Variants in KCNQ2 observed in about 807,000 individuals in gnomAD.
The protein encoded by KCNQ2 is potassium voltage-gated channel subfamily KQT member 2.
Under a neutral mutation model 84.8 loss-of-function variants are expected in KCNQ2, and 14 were observed. The observed-to-expected ratio is 0.17, with a 90% CI of 0.11 to 0.26. The LOEUF is 0.26. Ranked by LOEUF, KCNQ2 falls within the 10% of genes least tolerant of loss-of-function variation. KCNQ2 has a pLI of 1.00. For missense variants in KCNQ2, 788 were observed against 1,254.0 expected (o/e 0.63, Z 5.61); for synonymous variants, 599 against 554.1 (o/e 1.08, Z -1.14).
intron 12 of KCNQ2, among the ~76,000 whole-genome samples, chr20:63,417,867 G>A (rs2080343691): frequency 6.6e-6 from 1 of 152,178 alleles, no homozygotes; most frequent in South Asian, 2.1e-4. Flanking sequence ...CACAGCCCCA[G>A]GGGCCGCCGG....
At chr20:63,462,325 C>T (rs11907993) in intron 1 of KCNQ2, among the ~76,000 whole-genome samples, 1 of 121,244 alleles carries the variant, frequency 8.2e-6, no homozygotes, top group African/African-American at 3.7e-5. Context: ...CTACCCCAGG[C>T]AGCAGGGAGG....
chr20:63,454,820 T>C (rs1236163418), intron 1 of KCNQ2, among the ~76,000 whole-genome samples: 1 of 152,200 alleles, frequency 6.6e-6, no homozygotes, highest in Non-Finnish European at 1.5e-5. Context: ...TCCCTGCCCA[T>C]GTGGCCTCAG....
chr20:63,470,263 G>A (rs896920527), intron 1 of KCNQ2, among the ~76,000 whole-genome samples: 1 of 148,438 alleles, frequency 6.7e-6, no homozygotes, highest in Non-Finnish European at 1.5e-5. Flanking sequence ...GGAGCTCCGT[G>A]CCCACAGCAA....
In KCNQ2 at chr20:63,415,106, T is replaced by C. The variant is rs375822612; in HGVS notation, c.1322A>G (p.Asp441Gly). The C allele has an allele frequency of 1.2e-6, 2 of 1,600,834 alleles. No individual in the cohort carries two copies. Among genetic ancestry groups the C allele is most frequent in the Middle Eastern group, 3.3e-4 (2 of 6,080 alleles). The change falls in exon 13 of 17, where the codon GAT becomes GGT. Residue 441 changes from aspartate to glycine, a missense_variant. Asp to Gly is a moderately conservative substitution (Grantham distance 94). This residue lies in a region of KCNQ2 where 202 missense variants were observed against 239.4 expected (regional missense o/e 0.84). Coordinates refer to ENST00000359125, the MANE Select transcript of KCNQ2 (RefSeq NM_172107.4). ...GCCTCGGGGGCTGGAGAAGACACGA[T>C]CTTTCAAACTGACCTTCTGGCTGCT... is the stretch of plus-strand genomic sequence containing the variant. ...GRSSQKVSLK[D>G]RVFSSPRGVA...
intron 1 of KCNQ2, among the ~76,000 whole-genome samples, chr20:63,457,799 C>T (rs1378632822): frequency 6.6e-6 from 1 of 152,242 alleles, no homozygotes; most frequent in African/African-American, 2.4e-5. Context: ...AGGGGGCATC[C>T]GCCATGCACC....
intron 1 of KCNQ2, among the ~76,000 whole-genome samples, chr20:63,455,868 G>A (rs1170590294): frequency 8.8e-6 from 1 of 113,940 alleles, no homozygotes; most frequent in African/African-American, 3.8e-5. Context: ...CTGCTCACGG[G>A]CCCCCCACCT....
intron 7 of KCNQ2, chr20:63,437,333 G>C (rs769436438): frequency 1.3e-5 from 2 of 152,254 alleles, no homozygotes; most frequent in Non-Finnish European, 2.9e-5. Context: ...CCACACGTAC[G>C]TGGTCACTTT....
Position 63,404,859 on chromosome 20 carries a change from T to C in KCNQ2, c.*1785A>G, listed in dbSNP as rs1206022125. ...CCGAGGCCTCCCAGTTGGCACCTTT[T>C]TGGGACAGGCTCCAGCACAGGGAGG... On this transcript the variant is annotated 3_prime_UTR_variant, in exon 17 of 17. Transcript: ENST00000359125. The C allele has an allele frequency of 6.6e-6, 1 of 152,242 alleles. No individual in the cohort carries two copies. Among genetic ancestry groups the C allele is most frequent in the Non-Finnish European group, 1.5e-5 (1 of 68,070 alleles). 9.4% of individuals were successfully genotyped at this position (152,242 alleles called of 1,614,324 possible). A position where few individuals can be genotyped will look rare whatever the true frequency, so the allele number is the denominator to read the frequency against.
At chr20:63,443,216 C>CATG in intron 4 of KCNQ2, among the ~76,000 whole-genome samples, 1 of 107,674 alleles carries the variant, frequency 9.3e-6, no homozygotes, top group Non-Finnish European at 2.0e-5. Flanking sequence ...CCACCACCAC[C>CATG]ATGATCACCA....
In KCNQ2 at chr20:63,460,472, C is replaced by T. The variant is rs1035683615; in HGVS notation, c.296+11696G>A. On this transcript the variant is annotated intron_variant, in intron 1 of 16. Coordinates refer to ENST00000359125, the MANE Select transcript of KCNQ2 (RefSeq NM_172107.4). The surrounding 1 kb of genome is among the most constrained non-coding windows in gnomAD (Gnocchi z 5.4). Reference sequence around the variant, plus strand: ...TCCCCCCCACAGCCCCCTGAGACAGCCACGCCTAACCCCCTCCCAAGCAGG... The same window carrying T: ...TCCCCCCCACAGCCCCCTGAGACAGTCACGCCTAACCCCCTCCCAAGCAGG... Among the ~76,000 whole-genome samples, 1 of 151,502 alleles carries T rather than the reference C, an allele frequency of 6.6e-6. No homozygotes were observed. Among genetic ancestry groups the T allele is most frequent in the African/African-American group, 2.4e-5 (1 of 41,136 alleles).
intron 1 of KCNQ2, among the ~76,000 whole-genome samples, chr20:63,450,626 G>A (rs1290764809): frequency 6.6e-6 from 1 of 150,896 alleles, no homozygotes; most frequent in Non-Finnish European, 1.5e-5. Flanking sequence ...ACAGGGTCAA[G>A]GTGGGGTCAA....
At chr20:63,422,416 T>A in intron 11 of KCNQ2, 1 of 152,794 alleles carries the variant, frequency 6.5e-6, no homozygotes, top group Non-Finnish European at 1.5e-5. Flanking sequence ...CCCAGGCACC[T>A]TCCAGAAGCC....
intron 12 of KCNQ2, 131 bp downstream of exon 12, chr20:63,419,487 CG>C: frequency 1.1e-6 from 1 of 875,516 alleles, no homozygotes; most frequent in East Asian, 2.7e-5. Context: ...GAGCCCGCAC[CG>C]CCAGGGCGGT....
At chr20:63,416,976 C>T (rs117588853) in intron 12 of KCNQ2, among the ~76,000 whole-genome samples, 10,393 of 152,280 alleles carry the variant, frequency 0.068, 507 homozygotes, top group Admixed American at 0.13. Flanking sequence ...GTGTTGTGCC[C>T]GCTCGGGGAA....
intron 4 of KCNQ2, chr20:63,443,658 C>T (rs2081333103): frequency 6.6e-6 from 1 of 152,568 alleles, no homozygotes; most frequent in Non-Finnish European, 1.5e-5. Flanking sequence ...CCTCGCCAGT[C>T]AGCCCACTTT....
At chr20:63,439,316 T>G (rs1034362206) in intron 6 of KCNQ2, among the ~76,000 whole-genome samples, 1 of 152,088 alleles carries the variant, frequency 6.6e-6, no homozygotes, top group African/African-American at 2.4e-5. Flanking sequence ...TCAGCCCCAC[T>G]CAGACTAAGA....
At chr20:63,459,742 C>T (rs1224782705) in intron 1 of KCNQ2, among the ~76,000 whole-genome samples, 2 of 152,156 alleles carry the variant, frequency 1.3e-5, no homozygotes, top group Non-Finnish European at 2.9e-5. Context: ...GATAATTTAA[C>T]CTCTATTTTT....
At chr20:63,447,482 T>C (rs1455503542) in intron 1 of KCNQ2, 1 of 153,524 alleles carries the variant, frequency 6.5e-6, no homozygotes, top group African/African-American at 2.4e-5. Flanking sequence ...GCTCTTCCCA[T>C]TCACGTCCCA....
chr20:63,443,330 A>C, intron 4 of KCNQ2, among the ~76,000 whole-genome samples: 1 of 107,856 alleles, frequency 9.3e-6, no homozygotes, highest in Admixed American at 8.7e-5. Context: ...CACCACCATC[A>C]CCATCACCAC....
Sources: allele counts gnomAD v4.1 joint callset (sites outside exome capture counted in the v4.1 genomes callset), GRCh38; gene constraint gnomAD v4.1.1; regional missense constraint gnomAD v4.1.1; non-coding constraint Gnocchi (gnomAD v3.1); transcripts MANE v1.5; gene names NCBI Gene and HGNC (gene_info 2026-07-23, HGNC 2026-07-21).